The following HEPACAM variants were observed in gnomAD, a reference collection of about 807,000 sequenced individuals.
HEPACAM encodes hepatic and glial cell adhesion molecule, also known as hepatocyte cell adhesion molecule.
Under a neutral mutation model 38.3 loss-of-function variants are expected in HEPACAM, and 18 were observed. The ratio of observed to expected loss-of-function variants is 0.47; its 90% CI spans 0.33 to 0.70. HEPACAM has a LOEUF of 0.70. Among genes scored for constraint, HEPACAM ranks in the 30% least tolerant of loss-of-function variants. HEPACAM has a pLI of 0.03. For missense variants in HEPACAM, 466 were observed against 563.0 expected, an observed-to-expected ratio of 0.83 and a Z score of 1.74; for synonymous variants, 216 against 243.1, an observed-to-expected ratio of 0.89 and a Z score of 1.04.
chr11:124,920,382 CAGAA>C lies in HEPACAM; in HGVS notation c.*752_*755del. ...CATCTCTTTTATTCATGAACAGAGA[CAGAA>C]AGAGTGCTTGGCATGGCATGCCTCC... On this transcript the variant is annotated 3_prime_UTR_variant, in exon 7 of 7. Transcript: ENST00000298251. The C allele has an allele frequency of 1.3e-6, 2 of 1,546,988 alleles. No homozygotes were observed. The highest frequency in any genetic ancestry group is 1.4e-5 in the African/African-American group (1 of 73,026).
chr11:124,924,644 C>T lies in HEPACAM; in HGVS notation c.427+84G>A. The T allele has an allele frequency of 7.6e-7, 1 of 1,322,686 alleles. No homozygotes were observed. The highest frequency in any genetic ancestry group is 1.1e-6 in the Non-Finnish European group (1 of 916,118). The allele number at this position is 1,322,686 out of a possible 1,614,324, so 81.9% of individuals were successfully genotyped here. ...CCCAAGTGCCTTTTGGGTTGGTTTTCCCTCAGTCTAGCTGGTGCGCTGGGC... is the reference window on the plus strand; with the variant it reads ...CCCAAGTGCCTTTTGGGTTGGTTTTTCCTCAGTCTAGCTGGTGCGCTGGGC... On this transcript the variant is annotated intron_variant, in intron 2 of 6. Transcript: ENST00000298251. This position sits in a 1 kb window ranked among gnomAD's most constrained non-coding sequence, Gnocchi z 4.4.
At position 124,920,392 on chromosome 11, in the gene HEPACAM, G is replaced by C; in HGVS notation, c.*746C>G. The C allele has an allele frequency of 1.9e-6, 3 of 1,548,454 alleles. No homozygotes were observed. Among genetic ancestry groups the C allele is most frequent in the Non-Finnish European group, 1.7e-6 (2 of 1,146,150 alleles). Reference sequence around the variant, plus strand: ...ATTCATGAACAGAGACAGAAAGAGTGCTTGGCATGGCATGCCTCCGAGGGA... The same window carrying C: ...ATTCATGAACAGAGACAGAAAGAGTCCTTGGCATGGCATGCCTCCGAGGGA... On this transcript the variant is annotated 3_prime_UTR_variant, in exon 7 of 7. Transcript: ENST00000298251.
At chr11:124,931,001 A>C (rs917341896) in intron 1 of HEPACAM, among the ~76,000 whole-genome samples, 1 of 152,236 alleles carries the variant, frequency 6.6e-6, no homozygotes, top group Non-Finnish European at 1.5e-5. Context: ...AGACTCAGTA[A>C]AATTAAGAGC....
In HEPACAM at chr11:124,920,007, T is replaced by A. The variant is rs1386152476; in HGVS notation, c.*1131A>T. 5.6e-6 allele frequency: 9 copies of A among 1,612,538 alleles called. No homozygotes were observed. Among genetic ancestry groups the A allele is most frequent in the African/African-American group, 2.7e-5 (2 of 74,786 alleles). On this transcript the variant is annotated 3_prime_UTR_variant, in exon 7 of 7. Transcript: ENST00000298251. ...CAGCGGCCCAGCCTCTTTATTTTGA[T>A]GTTAGTGTGATTAGGGAGTCTGCCC...
intron 1 of HEPACAM, among the ~76,000 whole-genome samples, chr11:124,929,392 G>A (rs1264720894): frequency 6.6e-6 from 1 of 152,190 alleles, no homozygotes; most frequent in Non-Finnish European, 1.5e-5. Context: ...AGAGAGAGCA[G>A]TTTGCTGAGC....
At position 124,924,715 on chromosome 11, in the gene HEPACAM, C is replaced by T; in HGVS notation, c.427+13G>A. On this transcript the variant is annotated intron_variant, in intron 2 of 6. Transcript: ENST00000298251. The surrounding 1 kb of genome is among the most constrained non-coding windows in gnomAD (Gnocchi z 4.4). Reference sequence around the variant, plus strand: ...CTGCCAGTCTTGCCTCTTTCCCTGCCAGAGCGCTTTACCATCTACAGTAAG... The same window carrying T: ...CTGCCAGTCTTGCCTCTTTCCCTGCTAGAGCGCTTTACCATCTACAGTAAG... 6.2e-7 allele frequency: 1 copy of T among 1,610,220 alleles called. No homozygotes were observed. The highest frequency in any genetic ancestry group is 8.5e-7 in the Non-Finnish European group (1 of 1,176,482).
chr11:124,921,135 G>A lies in HEPACAM; in HGVS notation c.*3C>T. ...GGCGCCTCTCAGGGGATCCCGAGGCGGCTCAGGCGCTGATCTCCACCGGGC... is the reference window on the plus strand; with the variant it reads ...GGCGCCTCTCAGGGGATCCCGAGGCAGCTCAGGCGCTGATCTCCACCGGGC... On this transcript the variant is annotated 3_prime_UTR_variant, in exon 7 of 7. Transcript: ENST00000298251. The surrounding 1 kb of genome is among the most constrained non-coding windows in gnomAD (Gnocchi z 4.6). 1 of 1,525,668 alleles carries A rather than the reference G, an allele frequency of 6.6e-7. No individual in the cohort carries two copies. The highest frequency in any genetic ancestry group is 8.7e-7 in the Non-Finnish European group (1 of 1,143,254). The allele number at this position is 1,525,668 out of a possible 1,614,324, so 94.5% of individuals were successfully genotyped here.
intron 5 of HEPACAM, 101 bp from the exon 6 acceptor site, chr11:124,922,559 A>C: frequency 1.9e-6 from 3 of 1,598,436 alleles, no homozygotes; most frequent in Non-Finnish European, 2.6e-6. Context: ...CACAACCTCC[A>C]CCAACATATC....
In HEPACAM at chr11:124,921,475, G is replaced by A; in HGVS notation, c.949-35C>T. On this transcript the variant is annotated intron_variant, in intron 6 of 6. Coordinates refer to ENST00000298251, the MANE Select transcript of HEPACAM (RefSeq NM_152722.5). This position sits in a 1 kb window ranked among gnomAD's most constrained non-coding sequence, Gnocchi z 4.6. ...CACGCGCCGCAGGGGTCAGGGGACA[G>A]TCAGCCCAGCCTGGGAGCGCGCCTG... 1 of 1,226,790 alleles carries A rather than the reference G, an allele frequency of 8.2e-7. No homozygotes were observed. Among genetic ancestry groups the A allele is most frequent in the Non-Finnish European group, 1.0e-6 (1 of 976,098 alleles). The allele number at this position is 1,226,790 out of a possible 1,614,324, so 76.0% of individuals were successfully genotyped here.
intron 1 of HEPACAM, among the ~76,000 whole-genome samples, chr11:124,930,368 C>T (rs1249025301): frequency 1.3e-5 from 2 of 152,228 alleles, no homozygotes; most frequent in Middle Eastern, 3.4e-3. Flanking sequence ...TTGAGGCCTA[C>T]AAGTCATTTG....
At chr11:124,931,473 C>A (rs1947280316) in intron 1 of HEPACAM, among the ~76,000 whole-genome samples, 1 of 152,182 alleles carries the variant, frequency 6.6e-6, no homozygotes, top group South Asian at 2.1e-4. Flanking sequence ...TCTTAAAGTG[C>A]TGGAATTACA....
Position 124,923,717 on chromosome 11 carries a change from G to C in HEPACAM, c.709+12C>G. The C allele has an allele frequency of 6.2e-7, 1 of 1,613,942 alleles. No homozygotes were observed. Among genetic ancestry groups the C allele is most frequent in the Non-Finnish European group, 8.5e-7 (1 of 1,179,970 alleles). The stretch of plus-strand genomic sequence containing the variant: ...CTTTGAGTACTAAAGGAAAGCCTGC[G>C]GGGAAACTCACTGTATACGGTGATC... On this transcript the variant is annotated intron_variant, in intron 3 of 6. Transcript: ENST00000298251.
At chr11:124,934,960 G>A (rs1947324382) in intron 1 of HEPACAM, among the ~76,000 whole-genome samples, 1 of 152,126 alleles carries the variant, frequency 6.6e-6, no homozygotes, top group Non-Finnish European at 1.5e-5. Flanking sequence ...CAGCAGTGAT[G>A]AACTGCTGGG....
chr11:124,922,098 G>T (rs1394167332), intron 6 of HEPACAM, among the ~76,000 whole-genome samples: 2 of 152,212 alleles, frequency 1.3e-5, no homozygotes, highest in East Asian at 3.8e-4. Context: ...TTCGATTCTC[G>T]ATTCTCGTAG....
rs759261720 is a variant in HEPACAM at position 124,923,988 on chromosome 11, C to T, written c.450G>A (p.Val150=). The T allele has an allele frequency of 5.0e-6, 8 of 1,610,574 alleles. No homozygotes were observed. In the Admixed American group the frequency reaches 6.7e-5, roughly 13 times the overall value. ...TVDVPISRPQ[V]LVASTTVLEL... Reference sequence around the variant, plus strand: ...CCAGCACAGTGGTTGAAGCCACCAACACCTGTGGCCTCGAAATGGGCACTG... The same window carrying T: ...CCAGCACAGTGGTTGAAGCCACCAATACCTGTGGCCTCGAAATGGGCACTG... The change falls in exon 3 of 7, where the codon GTG becomes GTA. Residue 150 remains valine, a synonymous_variant. Coordinates refer to ENST00000298251, the MANE Select transcript of HEPACAM (RefSeq NM_152722.5).
At chr11:124,930,106 C>T (rs1448635243) in intron 1 of HEPACAM, among the ~76,000 whole-genome samples, 1 of 152,200 alleles carries the variant, frequency 6.6e-6, no homozygotes, top group African/African-American at 2.4e-5. Context: ...AGATACCCTT[C>T]CTTGGGCTTT....
At chr11:124,922,959 G>T in intron 4 of HEPACAM, 141 bp from the exon 5 acceptor site, 1 of 873,382 alleles carries the variant, frequency 1.1e-6, no homozygotes. Context: ...ATGAGCTTTG[G>T]AAGGAATCAC....
At chr11:124,927,516 TTTTTTTG>T (rs1237057642) in intron 1 of HEPACAM, among the ~76,000 whole-genome samples, 66 of 126,022 alleles carry the variant, frequency 5.2e-4, no homozygotes, top group African/African-American at 1.6e-3. Flanking sequence ...CTAGGTTTTT[TTTTTTTG>T]TTTTTTTTTT....
rs1947117257 is a variant in HEPACAM at position 124,920,670 on chromosome 11, T to C, written c.*468A>G. 1.2e-5 allele frequency: 3 copies of C among 249,942 alleles called. No individual in the cohort carries two copies. The highest frequency in any genetic ancestry group is 1.5e-5 in the Non-Finnish European group (3 of 194,106). 15.5% of individuals were successfully genotyped at this position (249,942 alleles called of 1,614,324 possible). A position where few individuals can be genotyped will look rare whatever the true frequency, so the allele number is the denominator to read the frequency against. On this transcript the variant is annotated 3_prime_UTR_variant, in exon 7 of 7. Transcript: ENST00000298251. Reference sequence around the variant, plus strand: ...TTCTGGGAAAGTGGCCTCTCTAATCTGAACTTGCAAAAAAAAAAAAAAAAA... The same window carrying C: ...TTCTGGGAAAGTGGCCTCTCTAATCCGAACTTGCAAAAAAAAAAAAAAAAA...
Sources: allele counts gnomAD v4.1 joint callset (sites outside exome capture counted in the v4.1 genomes callset), GRCh38; gene constraint gnomAD v4.1.1; non-coding constraint Gnocchi (gnomAD v3.1); transcripts MANE v1.5; gene names NCBI Gene and HGNC (gene_info 2026-07-23, HGNC 2026-07-21).